WDFY3: variants seen among roughly 807,000 people sequenced by gnomAD.
WDFY3 encodes the protein WD repeat and FYVE domain containing 3.
Under a neutral mutation model 409.6 loss-of-function variants are expected in WDFY3, and 66 were observed. The observed-to-expected ratio is 0.16, with a 90% CI of 0.13 to 0.20. The LOEUF is 0.20. Among genes scored for constraint, WDFY3 ranks in the 10% least tolerant of loss-of-function variants. The probability of loss-of-function intolerance (pLI) is 1.00; values close to 1 mark genes in which losing one functional copy is unlikely to be tolerated. For synonymous variants in WDFY3, 1,521 were observed against 1,537.1 expected (o/e 0.99, Z 0.25); for missense variants, 3,031 against 4,298.1 (o/e 0.71, Z 8.24).
chr4:84,902,208 A>C (rs2150629593), intron 2 of WDFY3, among the ~76,000 whole-genome samples: 1 of 152,290 alleles, frequency 6.6e-6, no homozygotes, highest in African/African-American at 2.4e-5. Flanking sequence ...CTTTAGGGAA[A>C]CCAGATTTGC....
chr4:84,882,053 G>C (rs534158143), intron 3 of WDFY3, among the ~76,000 whole-genome samples: 1 of 152,250 alleles, frequency 6.6e-6, no homozygotes, highest in East Asian at 1.9e-4. Flanking sequence ...GGGACTTGAA[G>C]TCATGCCTTT....
intron 17 of WDFY3, among the ~76,000 whole-genome samples, chr4:84,800,193 T>C (rs1440579112): frequency 6.6e-6 from 1 of 152,224 alleles, no homozygotes; most frequent in African/African-American, 2.4e-5. Flanking sequence ...GTTTACTGCA[T>C]AAAAGTTTCT....
chr4:84,694,285 C>T (rs1004120723), intron 58 of WDFY3, among the ~76,000 whole-genome samples: 1 of 152,204 alleles, frequency 6.6e-6, no homozygotes, highest in Admixed American at 6.5e-5. Context: ...GGAGAGAGCA[C>T]TGCGCCAGGC....
At chr4:84,952,130 T>C (rs1319573665) in intron 1 of WDFY3, among the ~76,000 whole-genome samples, 3 of 152,198 alleles carry the variant, frequency 2.0e-5, no homozygotes, top group Non-Finnish European at 4.4e-5. Context: ...GTGGTAGTAG[T>C]GGCCTTAATG....
intron 7 of WDFY3, among the ~76,000 whole-genome samples, chr4:84,834,804 A>G (rs542097222): frequency 6.6e-6 from 1 of 152,362 alleles, no homozygotes; most frequent in Non-Finnish European, 1.5e-5. Context: ...ACCAAATGCT[A>G]AAGTCCCAGG....
intron 33 of WDFY3, among the ~76,000 whole-genome samples, chr4:84,756,008 T>A (rs1741371521): frequency 1.3e-5 from 2 of 152,168 alleles, no homozygotes; most frequent in African/African-American, 4.8e-5. Flanking sequence ...CTACTAGAAT[T>A]GATTTGAATA....
At position 84,671,360 on chromosome 4, in the gene WDFY3, T is replaced by C. The variant is rs552152773; in HGVS notation, c.*1508A>G. 1 of 152,584 alleles carries C rather than the reference T, an allele frequency of 6.6e-6. No homozygotes were observed. Among genetic ancestry groups the C allele is most frequent in the Non-Finnish European group, 1.5e-5 (1 of 68,028 alleles). The allele number at this position is 152,584 out of a possible 1,614,324, so 9.5% of individuals were successfully genotyped here. On this transcript the variant is annotated 3_prime_UTR_variant, in exon 68 of 68. Coordinates refer to ENST00000295888, the MANE Select transcript of WDFY3 (RefSeq NM_014991.6). The stretch of plus-strand genomic sequence containing the variant: ...CTTTCCTTTCGCACCTGTGAAGGTG[T>C]GAAGGCCTATCTTGGGCCATTAATG...
At chr4:84,898,709 T>G (rs578129924) in intron 2 of WDFY3, among the ~76,000 whole-genome samples, 1 of 152,336 alleles carries the variant, frequency 6.6e-6, no homozygotes, top group South Asian at 2.1e-4. Flanking sequence ...CCAAGATTAT[T>G]TACCTGTCTT....
chr4:84,716,058 G>A (rs1192056198), intron 49 of WDFY3, among the ~76,000 whole-genome samples: 2 of 152,116 alleles, frequency 1.3e-5, no homozygotes, highest in Non-Finnish European at 2.9e-5. Context: ...ATTTTAGGCT[G>A]TGTTTAAACA....
chr4:84,769,407 TTTATTA>T (rs997944996), intron 30 of WDFY3, among the ~76,000 whole-genome samples: 54 of 151,890 alleles, frequency 3.6e-4, no homozygotes, highest in Non-Finnish European at 5.4e-4. Context: ...TTTTTTTGCT[TTTATTA>T]TTATTATTAT....
rs141824205 is a variant in WDFY3, at chr4:84,878,715, C to T, written c.-31-18093G>A. On this transcript the variant is annotated intron_variant, in intron 3 of 67. Coordinates refer to ENST00000295888, the MANE Select transcript of WDFY3 (RefSeq NM_014991.6). The stretch of plus-strand genomic sequence containing the variant: ...ATTTTGTAAGCTACATCTTAAAATC[C>T]GTATCATCATACATCACGTGTTACC... Among the ~76,000 whole-genome samples the T allele has an allele frequency of 4.3e-3, 659 of 152,236 alleles. 4 individuals carry two copies. The highest frequency in any genetic ancestry group is 0.015 in the African/African-American group (615 of 41,554).
At chr4:84,717,885 A>G (rs1286007404) in intron 48 of WDFY3, among the ~76,000 whole-genome samples, 3 of 151,950 alleles carry the variant, frequency 2.0e-5, no homozygotes, top group Non-Finnish European at 2.9e-5. Context: ...TGTCTCTACT[A>G]AAAATACAAA....
intron 56 of WDFY3, 109 bp downstream of exon 56, chr4:84,702,244 A>G (rs1731177367): frequency 1.6e-6 from 2 of 1,220,450 alleles, no homozygotes; most frequent in South Asian, 2.0e-5. Flanking sequence ...AACTGTATCA[A>G]ATTTTTTTCT....
At chr4:84,936,881 C>T (rs1450892940) in intron 1 of WDFY3, among the ~76,000 whole-genome samples, 2 of 152,094 alleles carry the variant, frequency 1.3e-5, no homozygotes. Flanking sequence ...TACTTTGCTA[C>T]TAGATGTTAC....
At chr4:84,931,014 GTTA>G (rs1033193009) in intron 2 of WDFY3, among the ~76,000 whole-genome samples, 9 of 152,072 alleles carry the variant, frequency 5.9e-5, no homozygotes, top group East Asian at 1.9e-4. Flanking sequence ...TTTATTAGTA[GTTA>G]TTATTGTTAA....
At chr4:84,933,169 T>C (rs1770982791) in intron 1 of WDFY3, among the ~76,000 whole-genome samples, 1 of 152,222 alleles carries the variant, frequency 6.6e-6, no homozygotes, top group Non-Finnish European at 1.5e-5. Context: ...AGATGAGCTA[T>C]GTGTTTTTGT....
chr4:84,842,476 C>CAAAA (rs552074328), intron 5 of WDFY3, among the ~76,000 whole-genome samples: 2 of 129,148 alleles, frequency 1.5e-5, no homozygotes, highest in African/African-American at 5.7e-5. Context: ...GACTCTGTCT[C>CAAAA]AAAAAAAAAA....
At chr4:84,718,678 A>G in intron 47 of WDFY3, 108 bp from the exon 48 acceptor site, 1 of 1,311,594 alleles carries the variant, frequency 7.6e-7, no homozygotes, top group Non-Finnish European at 1.0e-6. Flanking sequence ...TCAGAGTTTA[A>G]GCATATTGAG....
intron 1 of WDFY3, among the ~76,000 whole-genome samples, chr4:84,938,687 C>CAGAA (rs1400631827): frequency 1.3e-5 from 2 of 152,122 alleles, no homozygotes; most frequent in Non-Finnish European, 2.9e-5. Flanking sequence ...TCCAAACTTA[C>CAGAA]AGAAAAGTTA....
Sources: allele counts gnomAD v4.1 joint callset (sites outside exome capture counted in the v4.1 genomes callset), GRCh38; gene constraint gnomAD v4.1.1; transcripts MANE v1.5; gene names NCBI Gene and HGNC (gene_info 2026-07-23, HGNC 2026-07-21).